MSN: variants seen among roughly 807,000 people sequenced by gnomAD.
MSN encodes moesin.
A neutral mutation model predicts 48.0 loss-of-function variants in MSN; 2 were observed. That is an observed-to-expected ratio of 0.04 (90% CI 0.02 to 0.13). MSN has a LOEUF of 0.13. Among genes scored for constraint, MSN ranks in the 10% least tolerant of loss-of-function variants. The pLI is 1.00. For missense variants in MSN, 267 were observed against 470.1 expected (o/e 0.57, Z 3.99); for synonymous variants, 146 against 166.9 (o/e 0.87, Z 0.97).
chrX:65,687,118 G>A (rs915737060), intron 1 of MSN, among the ~76,000 whole-genome samples: 7 of 111,858 alleles, frequency 6.3e-5, no homozygotes, highest in Middle Eastern at 4.7e-3. Flanking sequence ...AGGCTGAGGC[G>A]GGTGGATCAC....
chrX:65,614,262 T>C (rs1019505389), intron 1 of MSN, among the ~76,000 whole-genome samples: 1 of 112,100 alleles, frequency 8.9e-6, no homozygotes, highest in African/African-American at 3.2e-5. Context: ...CATGTTGTTT[T>C]GGTTACTGTA....
chrX:65,611,159 T>A (rs771065565), intron 1 of MSN, among the ~76,000 whole-genome samples: 9,245 of 100,305 alleles, frequency 0.092, 1,399 homozygotes, highest in African/African-American at 0.39. Context: ...CTTTCTTTCT[T>A]TCTTTCTATT....
chrX:65,627,320 A>G (rs1425316575), intron 1 of MSN, among the ~76,000 whole-genome samples: 5 of 110,911 alleles, frequency 4.5e-5, no homozygotes, highest in Non-Finnish European at 7.5e-5. Flanking sequence ...GTCCATTTTC[A>G]TGCTGCTGAT....
rs187273595 is a variant in MSN, at chrX:65,620,484, G to A, written c.-22+31872G>A. Among the ~76,000 whole-genome samples, 23 of 113,853 alleles carry A rather than the reference G, an allele frequency of 2.0e-4. No individual in the cohort carries two copies. In the East Asian group the frequency reaches 5.0e-3, roughly 25 times the overall value. The stretch of plus-strand genomic sequence containing the variant: ...TGACCCGATTTTCCAGGTGCCGTCC[G>A]TCACCCCTTTCTTTGACTCAGAAAG... On this transcript the variant is annotated intron_variant, in intron 1 of 3. Coordinates refer to the MSN transcript ENST00000609672.
intron 1 of MSN, among the ~76,000 whole-genome samples, chrX:65,597,072 CAG>C: frequency 9.0e-6 from 1 of 111,703 alleles, no homozygotes; most frequent in South Asian, 3.7e-4. Context: ...TTATTTGAGA[CAG>C]AGTCTCATTC....
At position 65,647,482 on chromosome X, in the gene MSN, A is replaced by G. The variant is rs780877909; in HGVS notation, c.-22+58870A>G. 2.7e-5 allele frequency among the ~76,000 whole-genome samples: 3 copies of G among 112,653 alleles called. No individual in the cohort carries two copies. In the South Asian group the frequency reaches 1.1e-3, roughly 41 times the overall value. On this transcript the variant is annotated intron_variant, in intron 1 of 3. Coordinates refer to the MSN transcript ENST00000609672. ...CACCTCGGCTTCCCAAAGTGCTGGG[A>G]TTACAGGCGTAAGCCACTGCACCCA...
intron 1 of MSN, among the ~76,000 whole-genome samples, chrX:65,648,704 C>G (rs2070714569): frequency 9.2e-6 from 1 of 108,746 alleles, no homozygotes; most frequent in African/African-American, 3.3e-5. Context: ...AACCCCGTCT[C>G]TACTAAAAAT....
intron 8 of MSN, among the ~76,000 whole-genome samples, chrX:65,736,437 CTTT>C (rs773890199): frequency 2.2e-5 from 2 of 92,330 alleles, no homozygotes; most frequent in Non-Finnish European, 4.3e-5. Flanking sequence ...ATTCCCCAGG[CTTT>C]TTTTTTTTTT....
chrX:65,670,541 G>A (rs1163632749), intron 1 of MSN, among the ~76,000 whole-genome samples: 1 of 109,464 alleles, frequency 9.1e-6, no homozygotes, highest in Non-Finnish European at 1.9e-5. Flanking sequence ...TGACCAACAT[G>A]GTGAAACCCT....
Position 65,727,816 on chromosome X carries a change from G to A in MSN, c.99G>A (p.Val33=). 1 of 1,207,218 alleles carries A rather than the reference G, an allele frequency of 8.3e-7. No homozygotes were observed. Among genetic ancestry groups the A allele is most frequent in the Non-Finnish European group, 1.1e-6 (1 of 891,529 alleles). Residue 33 remains valine, a splice_region_variant and synonymous_variant, in exon 3 of 13, where the codon GTG becomes GTA. Coordinates refer to ENST00000360270, the MANE Select transcript of MSN (RefSeq NM_002444.3). ...GTTGTTTTGGTTTTCTCTTCTAGGT[G>A]GTGAAAACTATTGGCTTGAGGGAAG... The part of the protein sequence containing the change: ...NTTGKQLFDQ[V]VKTIGLREVW...
chrX:65,736,704 G>A (rs2071680272), intron 8 of MSN, 91 bp from the exon 9 acceptor site: 2 of 1,029,752 alleles, frequency 1.9e-6, no homozygotes, highest in Admixed American at 6.3e-5. Context: ...CCAAAGTGCT[G>A]GGATTACAGG....
intron 1 of MSN, among the ~76,000 whole-genome samples, chrX:65,601,630 A>C (rs2148351185): frequency 8.9e-6 from 1 of 112,021 alleles, no homozygotes; most frequent in South Asian, 3.7e-4. Context: ...GGAAGATCTA[A>C]CCCTGGTGGG....
At chrX:65,695,102 GTGTGT>G (rs201450051) in intron 1 of MSN, among the ~76,000 whole-genome samples, 4 of 93,085 alleles carry the variant, frequency 4.3e-5, no homozygotes, top group African/African-American at 3.0e-4. Context: ...GTGTGTGTGT[GTGTGT>G]GTGGTGGTGG....
chrX:65,634,693 T>G (rs2070585547), intron 1 of MSN, among the ~76,000 whole-genome samples: 1 of 112,943 alleles, frequency 8.9e-6, no homozygotes, highest in African/African-American at 3.2e-5. Flanking sequence ...ATCACCTTCA[T>G]GATGACTAAT....
chrX:65,645,426 G>A (rs912420902), intron 1 of MSN, among the ~76,000 whole-genome samples: 1 of 109,565 alleles, frequency 9.1e-6, no homozygotes, highest in Non-Finnish European at 1.9e-5. Context: ...TTTCCCTAAA[G>A]CATGTTTGTC....
chrX:65,695,343 A>C (rs1412113696), intron 1 of MSN, among the ~76,000 whole-genome samples: 3 of 109,446 alleles, frequency 2.7e-5, no homozygotes, highest in African/African-American at 1.0e-4. Flanking sequence ...TCTACTAAAA[A>C]TACAAAATTA....
intron 3 of MSN, among the ~76,000 whole-genome samples, chrX:65,728,538 C>T (rs1056839263): frequency 3.6e-5 from 4 of 110,666 alleles, no homozygotes; most frequent in African/African-American, 1.3e-4. Flanking sequence ...TGTGATCCGC[C>T]CGCCTCGGCC....
chrX:65,672,478 C>T (rs1039146552), intron 1 of MSN, among the ~76,000 whole-genome samples: 1 of 111,780 alleles, frequency 8.9e-6, no homozygotes, highest in African/African-American at 3.3e-5. Flanking sequence ...CTGTCCATCC[C>T]TCCTTCCATT....
At chrX:65,706,516 G>T (rs2071363271) in intron 1 of MSN, among the ~76,000 whole-genome samples, 1 of 112,048 alleles carries the variant, frequency 8.9e-6, no homozygotes, top group Non-Finnish European at 1.9e-5. Flanking sequence ...ACCCAACTGG[G>T]CTGACTCACA....
Sources: allele counts gnomAD v4.1 joint callset (sites outside exome capture counted in the v4.1 genomes callset), GRCh38; gene constraint gnomAD v4.1.1; transcripts MANE v1.5; gene names NCBI Gene and HGNC (gene_info 2026-07-23, HGNC 2026-07-21).